MMS22L: variants seen among roughly 807,000 people sequenced by gnomAD.
The protein encoded by MMS22L is protein MMS22-like.
Under a neutral mutation model 159.1 loss-of-function variants are expected in MMS22L, and 74 were observed. That is an observed-to-expected ratio of 0.47 (90% CI 0.39 to 0.56). The LOEUF is 0.56. Ranked by LOEUF, MMS22L falls within the 20% of genes least tolerant of loss-of-function variation. The pLI is 0.00. For synonymous variants in MMS22L, 517 were observed against 506.9 expected (o/e 1.02, Z -0.27); for missense variants, 1,351 against 1,422.1 (o/e 0.95, Z 0.80).
intron 11 of MMS22L, chr6:97,246,113 GGTCAAGTCTGAC>G (rs768267472): frequency 7.3e-5 from 32 of 437,722 alleles, no homozygotes; most frequent in South Asian, 2.5e-4. Context: ...TTTAAAAGGA[GGTCAAGTCTGAC>G]CTCTAGGCCA....
intron 14 of MMS22L, among the ~76,000 whole-genome samples, chr6:97,202,394 T>C (rs1445813196): frequency 6.6e-6 from 1 of 152,172 alleles, no homozygotes; most frequent in African/African-American, 2.4e-5. Flanking sequence ...CAGATCTATA[T>C]ATATAGAGCA....
intron 22 of MMS22L, among the ~76,000 whole-genome samples, chr6:97,153,816 C>T (rs1801570844): frequency 6.6e-6 from 1 of 152,010 alleles, no homozygotes; most frequent in Non-Finnish European, 1.5e-5. Context: ...TTTTTTATAG[C>T]CAAACAATAT....
intron 14 of MMS22L, among the ~76,000 whole-genome samples, chr6:97,217,212 T>TA (rs1241904486): frequency 8.5e-5 from 13 of 152,130 alleles, no homozygotes; most frequent in East Asian, 1.9e-4. Context: ...AGTAATCTTG[T>TA]AAAAAATCTA....
chr6:97,277,762 A>C (rs1010708801), intron 4 of MMS22L, among the ~76,000 whole-genome samples: 7 of 152,114 alleles, frequency 4.6e-5, no homozygotes, highest in Non-Finnish European at 1.0e-4. Flanking sequence ...AAATCACCAG[A>C]ATGAGCCCCA....
At chr6:97,189,155 C>A (rs1318959070) in intron 14 of MMS22L, among the ~76,000 whole-genome samples, 2 of 151,016 alleles carry the variant, frequency 1.3e-5, no homozygotes, top group Non-Finnish European at 1.5e-5. Context: ...GAAAGGCCAA[C>A]AAATGTGAAC....
intron 10 of MMS22L, among the ~76,000 whole-genome samples, chr6:97,251,854 C>T (rs1052337893): frequency 2.0e-5 from 3 of 151,748 alleles, no homozygotes; most frequent in Admixed American, 1.3e-4. Flanking sequence ...GAGGCCGAAG[C>T]GGGCGGATCA....
chr6:97,199,773 G>A (rs1275525693), intron 14 of MMS22L, among the ~76,000 whole-genome samples: 1 of 151,538 alleles, frequency 6.6e-6, no homozygotes, highest in African/African-American at 2.4e-5. Flanking sequence ...ATTTTTTAAA[G>A]TGTTTATTCA....
chr6:97,145,803 A>C lies in MMS22L; in HGVS notation c.*1003T>G, dbSNP rs919277189. The C allele has an allele frequency of 1.3e-4, 20 of 152,184 alleles. No individual in the cohort carries two copies. Among genetic ancestry groups the C allele is most frequent in the African/African-American group, 4.8e-4 (20 of 41,452 alleles). 9.4% of individuals were successfully genotyped at this position (152,184 alleles called of 1,614,324 possible). A position where few individuals can be genotyped will look rare whatever the true frequency, so the allele number is the denominator to read the frequency against. ...AGTTTGAGACCCAGGTGGGTTCCCA[A>C]AACTAGGACTGGAGCTCTTTCAACC... On this transcript the variant is annotated 3_prime_UTR_variant, in exon 25 of 25. Coordinates refer to ENST00000683635, the MANE Select transcript of MMS22L (RefSeq NM_001350599.2).
intron 22 of MMS22L, among the ~76,000 whole-genome samples, chr6:97,152,299 T>C (rs1233785114): frequency 6.6e-6 from 1 of 152,046 alleles, no homozygotes; most frequent in African/African-American, 2.4e-5. Context: ...GCAAACTAGA[T>C]ACCGTGAACA....
At position 97,215,752 on chromosome 6, in the gene MMS22L, T is replaced by TA. The variant is rs912398588; in HGVS notation, c.2039+13141dup. ...GCACTCACTGTATTACTTTTCAAGA[T>TA]AAAAAAAAAAGTCCTGAATTTTCAT... On this transcript the variant is annotated intron_variant, in intron 14 of 24. Coordinates refer to ENST00000683635, the MANE Select transcript of MMS22L (RefSeq NM_001350599.2). Among the ~76,000 whole-genome samples the TA allele has an allele frequency of 7.0e-3, 1,030 of 147,050 alleles. 10 individuals carry two copies. The highest frequency in any genetic ancestry group is 0.022 in the African/African-American group (900 of 40,124).
intron 22 of MMS22L, among the ~76,000 whole-genome samples, chr6:97,160,870 T>C (rs1443786057): frequency 6.6e-6 from 1 of 152,050 alleles, no homozygotes; most frequent in East Asian, 1.9e-4. Context: ...CTGCCAGTTC[T>C]AATCCACTAA....
chr6:97,280,520 A>G (rs1816666477), intron 3 of MMS22L, among the ~76,000 whole-genome samples: 1 of 152,094 alleles, frequency 6.6e-6, no homozygotes. Context: ...TTTAGTACAG[A>G]AGGGGCTTCA....
At chr6:97,253,686 C>T (rs1415545065) in intron 10 of MMS22L, 1 of 152,204 alleles carries the variant, frequency 6.6e-6, no homozygotes, top group Non-Finnish European at 1.5e-5. Flanking sequence ...TGTCAAACTC[C>T]TGATCTCAAG....
chr6:97,237,924 C>T (rs897148380), intron 11 of MMS22L, among the ~76,000 whole-genome samples: 1 of 152,138 alleles, frequency 6.6e-6, no homozygotes, highest in African/African-American at 2.4e-5. Flanking sequence ...AAAGTTCACA[C>T]TGAAGGGTTT....
chr6:97,259,696 CTT>C (rs1491584680), intron 9 of MMS22L: 2 of 8,890 alleles, frequency 2.2e-4, no homozygotes, highest in Admixed American at 4.9e-3. Context: ...TATAATAAAT[CTT>C]ATATATATAT....
intron 14 of MMS22L, among the ~76,000 whole-genome samples, chr6:97,224,493 T>C (rs1014623729): frequency 6.6e-6 from 1 of 151,626 alleles, no homozygotes; most frequent in African/African-American, 2.4e-5. Flanking sequence ...CAAAGACAAA[T>C]TATTATAAAT....
intron 14 of MMS22L, among the ~76,000 whole-genome samples, chr6:97,203,519 A>G (rs886338822): frequency 6.6e-6 from 1 of 152,190 alleles, no homozygotes; most frequent in African/African-American, 2.4e-5. Context: ...GCAAAGCCAC[A>G]CTAGTTGGCA....
intron 11 of MMS22L, among the ~76,000 whole-genome samples, chr6:97,234,386 T>C (rs773988565): frequency 1.3e-5 from 2 of 152,192 alleles, no homozygotes; most frequent in African/African-American, 4.8e-5. Flanking sequence ...AATCTTTTTA[T>C]AGGATTATAG....
intron 4 of MMS22L, among the ~76,000 whole-genome samples, chr6:97,274,245 T>G (rs940405801): frequency 3.3e-5 from 5 of 152,252 alleles, no homozygotes; most frequent in Non-Finnish European, 7.3e-5. Context: ...TGAACAATCA[T>G]GCCACTACTG....
Sources: gnomAD v4.1 joint callset for allele counts (sites outside exome capture counted in the v4.1 genomes callset) on GRCh38, gnomAD v4.1.1 for gene constraint, MANE v1.5 for transcripts, NCBI Gene and HGNC (gene_info 2026-07-23, HGNC 2026-07-21) for gene names.